DOCK8: variants seen among roughly 807,000 people sequenced by gnomAD.
DOCK8 encodes dedicator of cytokinesis 8.
A neutral mutation model predicts 245.6 loss-of-function variants in DOCK8; 141 were observed. The observed-to-expected ratio is 0.57, with a 90% CI of 0.50 to 0.66. DOCK8 has a LOEUF of 0.66. Ranked by LOEUF, DOCK8 falls within the 30% of genes least tolerant of loss-of-function variation. The pLI is 0.00. For missense variants in DOCK8, 2,965 were observed against 2,603.4 expected (o/e 1.14, Z -3.02); for synonymous variants, 1,168 against 970.2 (o/e 1.20, Z -3.79).
chr9:215,177 G>A lies in DOCK8; in HGVS notation c.53+148G>A, dbSNP rs752551886. On this transcript the variant is annotated intron_variant, in intron 1 of 47. Transcript: ENST00000432829. ...AGACCTGGGGCGCCCGGTTCCCGAG[G>A]CTGCGGCGGTGGAGCCGCTGGACGC... The A allele has an allele frequency of 5.6e-5, 84 of 1,508,458 alleles. 1 individual carries two copies. Among genetic ancestry groups the A allele is most frequent in the Non-Finnish European group, 5.8e-5 (66 of 1,134,286 alleles). The allele number at this position is 1,508,458 out of a possible 1,614,324, so 93.4% of individuals were successfully genotyped here. A position where few individuals can be genotyped will look rare whatever the true frequency, so the allele number is the denominator to read the frequency against.
At chr9:242,303 CTG>C (rs1407783648) in intron 1 of DOCK8, among the ~76,000 whole-genome samples, 2 of 152,114 alleles carry the variant, frequency 1.3e-5, no homozygotes, top group Admixed American at 6.5e-5. Context: ...AAACACTTGA[CTG>C]TGACTTTTTT....
At chr9:275,705 C>G (rs2048319278) in intron 2 of DOCK8, among the ~76,000 whole-genome samples, 1 of 150,294 alleles carries the variant, frequency 6.7e-6, no homozygotes, top group Admixed American at 6.6e-5. Flanking sequence ...TCTCCTGCCT[C>G]AGCCTCCCCA....
Position 407,057 on chromosome 9 carries a change from C to G in DOCK8, c.3518C>G (p.Ala1173Gly). The G allele has an allele frequency of 2.5e-6, 4 of 1,614,026 alleles. No individual in the cohort carries two copies. The highest frequency in any genetic ancestry group is 2.5e-6 in the Non-Finnish European group (3 of 1,180,022). Reference sequence around the variant, plus strand: ...ACAGAACTGGCTGCTGCCCTGGATGCCGAAGGGGAAGGGTATGTTTCTGGC... The same window carrying G: ...ACAGAACTGGCTGCTGCCCTGGATGGCGAAGGGGAAGGGTATGTTTCTGGC... ...LFTELAAALD[A>G]EGEGISKVQR... Residue 1173 changes from alanine to glycine, a missense_variant, in exon 28 of 48, where the codon GCC becomes GGC. Around this residue, in one of 3 missense-constraint regions of DOCK8, gnomAD observed 2,825 missense variants for 2,453.5 expected, o/e 1.15. Transcript: ENST00000432829.
chr9:312,607 A>C, intron 6 of DOCK8: 1 of 362,346 alleles, frequency 2.8e-6, no homozygotes, highest in Non-Finnish European at 5.4e-6. Flanking sequence ...GCAACCAGAG[A>C]GACCTGCTTT....
At chr9:344,050 A>G (rs1468744766) in intron 14 of DOCK8, among the ~76,000 whole-genome samples, 2 of 152,222 alleles carry the variant, frequency 1.3e-5, no homozygotes, top group African/African-American at 4.8e-5. Context: ...ACTTGTCATC[A>G]TGAGAAACAG....
At chr9:279,477 G>A (rs2048487622) in intron 2 of DOCK8, among the ~76,000 whole-genome samples, 1 of 152,204 alleles carries the variant, frequency 6.6e-6, no homozygotes, top group African/African-American at 2.4e-5. Context: ...ATAGCAGGAG[G>A]AAAACCTAGT....
At chr9:252,974 C>T (rs917894407) in intron 1 of DOCK8, among the ~76,000 whole-genome samples, 1 of 152,168 alleles carries the variant, frequency 6.6e-6, no homozygotes, top group African/African-American at 2.4e-5. Flanking sequence ...GTGTTTTATT[C>T]TGTCCTTGGG....
At chr9:414,249 G>A (rs2055886102) in intron 28 of DOCK8, among the ~76,000 whole-genome samples, 1 of 152,196 alleles carries the variant, frequency 6.6e-6, no homozygotes, top group Non-Finnish European at 1.5e-5. Context: ...AGCAGCGTTG[G>A]TAAGTCACAA....
intron 46 of DOCK8, among the ~76,000 whole-genome samples, chr9:453,750 CAG>C (rs891272329): frequency 2.6e-5 from 4 of 152,028 alleles, no homozygotes; most frequent in African/African-American, 9.7e-5. Context: ...TTTGTGGAGA[CAG>C]GGTCTCACTA....
intron 39 of DOCK8, among the ~76,000 whole-genome samples, chr9:436,791 C>G (rs2056918860): frequency 6.6e-6 from 1 of 152,204 alleles, no homozygotes; most frequent in Non-Finnish European, 1.5e-5. Flanking sequence ...AATACTTATT[C>G]TGTCCTCATG....
intron 1 of DOCK8, among the ~76,000 whole-genome samples, chr9:227,748 T>G (rs563820263): frequency 6.6e-6 from 1 of 151,988 alleles, no homozygotes; most frequent in African/African-American, 2.4e-5. Flanking sequence ...GAGGTGGAGA[T>G]TGGGACTGAA....
chr9:332,082 G>T (rs1048378304), intron 9 of DOCK8, among the ~76,000 whole-genome samples: 2 of 151,924 alleles, frequency 1.3e-5, no homozygotes, highest in Non-Finnish European at 2.9e-5. Flanking sequence ...CATGTTTATT[G>T]TTTAAAATAG....
At chr9:306,199 A>G (rs1447667949) in intron 5 of DOCK8, among the ~76,000 whole-genome samples, 1 of 152,212 alleles carries the variant, frequency 6.6e-6, no homozygotes, top group African/African-American at 2.4e-5. Context: ...CATGCTGGAA[A>G]TGATTCGAGG....
intron 7 of DOCK8, among the ~76,000 whole-genome samples, chr9:324,051 C>G (rs2050642946): frequency 1.3e-5 from 2 of 152,222 alleles, no homozygotes; most frequent in African/African-American, 4.8e-5. Flanking sequence ...GGCAAGCATC[C>G]TTACCTTATT....
intron 12 of DOCK8, 41 bp from the exon 13 acceptor site, chr9:338,965 C>T: frequency 6.4e-7 from 1 of 1,560,092 alleles, no homozygotes; most frequent in East Asian, 2.2e-5. Context: ...ACCCAAGAGT[C>T]AAAGGTGCAT....
intron 11 of DOCK8, among the ~76,000 whole-genome samples, chr9:334,656 A>G (rs2051223542): frequency 6.6e-6 from 1 of 152,164 alleles, no homozygotes; most frequent in South Asian, 2.1e-4. Flanking sequence ...GATTTTTGCT[A>G]GCCACCCGCT....
At chr9:421,995 C>G (rs377079357) in intron 32 of DOCK8, 53 bp from the exon 33 acceptor site, 170 of 1,471,278 alleles carry the variant, frequency 1.2e-4, no homozygotes, top group Middle Eastern at 1.0e-3. Flanking sequence ...TTCTGGTTAT[C>G]TTGGAGGGTT....
At chr9:427,719 G>A (rs1475169218) in intron 34 of DOCK8, among the ~76,000 whole-genome samples, 4 of 152,126 alleles carry the variant, frequency 2.6e-5, no homozygotes, top group Non-Finnish European at 5.9e-5. Flanking sequence ...TCTAACTTTT[G>A]AATTGTCTAA....
rs1379549205 is a variant in DOCK8 at position 383,662 on chromosome 9, T to C, written c.2778+977T>C. 6.3e-5 allele frequency among the ~76,000 whole-genome samples: 8 copies of C among 126,436 alleles called. No homozygotes were observed. In the East Asian group the frequency reaches 2.2e-3, roughly 34 times the overall value. 82.9% of individuals were successfully genotyped at this position (126,436 alleles called of 152,430 possible). Reference sequence around the variant, plus strand: ...TTGCAGTGAGCCGAGATTGCACCACTGCACTCCAGCTTGAGCTACAAGAGT... The same window carrying C: ...TTGCAGTGAGCCGAGATTGCACCACCGCACTCCAGCTTGAGCTACAAGAGT... On this transcript the variant is annotated intron_variant, in intron 22 of 47. Transcript: ENST00000432829.
Sources: allele counts gnomAD v4.1 joint callset (sites outside exome capture counted in the v4.1 genomes callset), GRCh38; gene constraint gnomAD v4.1.1; regional missense constraint gnomAD v4.1.1; transcripts MANE v1.5; gene names NCBI Gene and HGNC (gene_info 2026-07-23, HGNC 2026-07-21).